WDR43: variants seen among roughly 807,000 people sequenced by gnomAD.
The protein encoded by WDR43 is WD repeat-containing protein 43.
In WDR43, 13 loss-of-function variants were observed where a neutral mutation model predicts 91.4. That is an observed-to-expected ratio of 0.14 (90% confidence interval 0.09 to 0.23). The LOEUF is 0.23. WDR43 is among the 10% of genes least tolerant of loss of function. The probability of loss-of-function intolerance (pLI) is 1.00; values close to 1 mark genes in which losing one functional copy is unlikely to be tolerated. For missense variants in WDR43, 780 were observed against 809.4 expected (o/e 0.96, Z 0.44); for synonymous variants, 331 against 287.9 (o/e 1.15, Z -1.51).
chr2:28,918,425 A>G (rs941361790), intron 6 of WDR43, among the ~76,000 whole-genome samples: 2 of 151,668 alleles, frequency 1.3e-5, no homozygotes, highest in Non-Finnish European at 2.9e-5. Flanking sequence ...CTGGAGTGCA[A>G]TGGCACGGTC....
chr2:28,913,578 TC>T (rs1217686815), intron 4 of WDR43: 5 of 467,314 alleles, frequency 1.1e-5, no homozygotes, highest in Admixed American at 8.9e-5. Context: ...CAGCATTTAG[TC>T]CACTTACTGT....
At chr2:28,916,433 T>A (rs1449880689) in intron 5 of WDR43, among the ~76,000 whole-genome samples, 1 of 152,184 alleles carries the variant, frequency 6.6e-6, no homozygotes, top group African/African-American at 2.4e-5. Context: ...TAGCATTTAA[T>A]TTTAGCCATT....
At chr2:28,897,770 A>G (rs922374600) in intron 1 of WDR43, among the ~76,000 whole-genome samples, 1 of 152,192 alleles carries the variant, frequency 6.6e-6, no homozygotes, top group Non-Finnish European at 1.5e-5. Flanking sequence ...TGTGGTTCAC[A>G]GGTGTTTAGA....
chr2:28,943,275 C>A (rs1435156327), intron 16 of WDR43, among the ~76,000 whole-genome samples: 1 of 150,396 alleles, frequency 6.6e-6, no homozygotes, highest in African/African-American at 2.4e-5. Context: ...GTAGCTGGGA[C>A]TGTTGAGCCA....
At chr2:28,922,812 TTTC>T in intron 6 of WDR43, 104 bp from the exon 7 acceptor site, 7 of 471,690 alleles carry the variant, frequency 1.5e-5, no homozygotes, top group Non-Finnish European at 2.0e-5. Context: ...TTTTTTTTTT[TTTC>T]TGGTTGTGTA....
rs1342046226 is a variant in WDR43, at chr2:28,929,603, G to C, written c.1330G>C (p.Ala444Pro). The C allele has an allele frequency of 1.9e-6, 3 of 1,612,498 alleles. No individual in the cohort carries two copies. Among genetic ancestry groups the C allele is most frequent in the Non-Finnish European group, 2.5e-6 (3 of 1,179,218 alleles). ...GGTTAGCATTGAAGAACGTCTGGGA[G>C]CAATGGATATAGACACACACAAAAA... The part of the protein sequence containing the change: ...NEVSIEERLG[A>P]MDIDTHKKGK... The change falls in exon 11 of 18, where the codon GCA (alanine) becomes CCA (proline). Residue 444 changes from alanine (A) to proline (P), a missense_variant. This residue lies in a region of WDR43 where 426 missense variants were observed against 467.8 expected (regional missense o/e 0.91). Transcript: ENST00000407426.
chr2:28,899,454 A>ATT (rs1670541367), intron 1 of WDR43, among the ~76,000 whole-genome samples: 1 of 152,202 alleles, frequency 6.6e-6, no homozygotes, highest in African/African-American at 2.4e-5. Context: ...GTGAAGGAAA[A>ATT]GCAAAAGCAA....
chr2:28,925,988 C>T (rs960028550), intron 8 of WDR43, among the ~76,000 whole-genome samples: 10 of 152,110 alleles, frequency 6.6e-5, no homozygotes, highest in African/African-American at 1.4e-4. Context: ...CTGACTCCCC[C>T]GATCCTATTT....
At chr2:28,916,971 A>C (rs1239069253) in intron 5 of WDR43, among the ~76,000 whole-genome samples, 3 of 152,156 alleles carry the variant, frequency 2.0e-5, no homozygotes, top group Non-Finnish European at 4.4e-5. Context: ...GTCTGAGTGA[A>C]GCTTATTTAA....
intron 3 of WDR43, 146 bp downstream of exon 3, chr2:28,906,727 T>C: frequency 9.5e-7 from 1 of 1,056,586 alleles, no homozygotes; most frequent in Non-Finnish European, 1.3e-6. Flanking sequence ...ATACATAAAA[T>C]ACTAAAACAC....
In WDR43 at chr2:28,929,590, A is replaced by G. The variant is rs1140697; in HGVS notation, c.1317A>G (p.Glu439=). 0.65 allele frequency: 1,051,407 copies of G among 1,609,548 alleles called. 359,177 individuals are homozygous for G. Among genetic ancestry groups the G allele is most frequent in the Middle Eastern group, 0.72 (4,344 of 6,046 alleles). ...RKSGGNEVSI[E]ERLGAMDIDT... is the part of the protein sequence containing the mutation. Reference sequence around the variant, plus strand: ...TTTCTGTTCTGTAGGTTAGCATTGAAGAACGTCTGGGAGCAATGGATATAG... The same window carrying G: ...TTTCTGTTCTGTAGGTTAGCATTGAGGAACGTCTGGGAGCAATGGATATAG... Residue 439 remains glutamate, a synonymous_variant, in exon 11 of 18, where the codon GAA becomes GAG. Coordinates refer to ENST00000407426, the MANE Select transcript of WDR43 (RefSeq NM_015131.3).
At chr2:28,917,355 G>A (rs138930379) in intron 5 of WDR43, among the ~76,000 whole-genome samples, 148 of 152,222 alleles carry the variant, frequency 9.7e-4, no homozygotes, top group African/African-American at 3.3e-3. Context: ...GTATATATAG[G>A]TCTGTTTCTG....
At position 28,918,007 on chromosome 2, in the gene WDR43, G is replaced by A. The variant is rs775510805; in HGVS notation, c.849+12G>A. Reference sequence around the variant, plus strand: ...AAAACAAAGAAGAGGTAAATGGCTCGATTTTTGAGAATTTGTTTTTGGGTT... The same window carrying A: ...AAAACAAAGAAGAGGTAAATGGCTCAATTTTTGAGAATTTGTTTTTGGGTT... On this transcript the variant is annotated intron_variant, in intron 6 of 17. Transcript: ENST00000407426. The A allele has an allele frequency of 3.9e-6, 6 of 1,549,424 alleles. No homozygotes were observed. Among genetic ancestry groups the A allele is most frequent in the South Asian group, 3.7e-5 (3 of 81,986 alleles).
chr2:28,914,369 T>A (rs1572587727), intron 5 of WDR43, among the ~76,000 whole-genome samples, 161 bp downstream of exon 5: 1 of 152,356 alleles, frequency 6.6e-6, no homozygotes, highest in East Asian at 1.9e-4. Flanking sequence ...AACAGATCTT[T>A]CTGAGAAAAA....
chr2:28,903,549 G>C (rs1558368288), intron 2 of WDR43, among the ~76,000 whole-genome samples: 2 of 152,124 alleles, frequency 1.3e-5, no homozygotes, highest in Non-Finnish European at 2.9e-5. Context: ...TGTATTACTT[G>C]TTTTTATATT....
Position 28,923,125 on chromosome 2 carries a change from A to G in WDR43, c.914+142A>G, listed in dbSNP as rs139000585. The stretch of plus-strand genomic sequence containing the variant: ...AGCATTTTTCTTTATCCACATGACT[A>G]TATACATTGCCAGTTAAAACTGGGT... On this transcript the variant is annotated intron_variant, in intron 7 of 17. Transcript: ENST00000407426. The G allele has an allele frequency of 6.1e-4, 416 of 686,254 alleles. 4 individuals carry two copies. The East Asian group carries it at 0.01, about 17-fold the overall frequency. The allele number at this position is 686,254 out of a possible 1,614,324, so 42.5% of individuals were successfully genotyped here.
chr2:28,913,960 G>A, intron 4 of WDR43, 109 bp from the exon 5 acceptor site: 1 of 1,254,526 alleles, frequency 8.0e-7, no homozygotes, highest in Non-Finnish European at 1.1e-6. Context: ...TCATCGTGGA[G>A]CTCTCCTTTC....
chr2:28,918,713 G>A (rs77815031), intron 6 of WDR43, among the ~76,000 whole-genome samples: 1,786 of 152,156 alleles, frequency 0.012, 16 homozygotes, highest in Non-Finnish European at 0.02. Flanking sequence ...CTTGTTTGCT[G>A]CCTATAAAAA....
At chr2:28,932,132 C>T (rs981679998) in intron 11 of WDR43, among the ~76,000 whole-genome samples, 6 of 152,136 alleles carry the variant, frequency 3.9e-5, no homozygotes, top group Admixed American at 6.5e-5. Flanking sequence ...CCTGCCTCAG[C>T]CTCACAAAGT....
Sources: allele counts gnomAD v4.1 joint callset (sites outside exome capture counted in the v4.1 genomes callset), GRCh38; gene constraint gnomAD v4.1.1; regional missense constraint gnomAD v4.1.1; transcripts MANE v1.5; gene names NCBI Gene and HGNC (gene_info 2026-07-23, HGNC 2026-07-21).